Variants in NARS2 observed in about 807,000 individuals in gnomAD.
The protein encoded by NARS2 is asparaginyl-tRNA synthetase 2, mitochondrial, also known as asparaginyl-tRNA synthetase.
NARS2 carries 60 observed loss-of-function variants against 62.9 expected under a neutral mutation model. The observed-to-expected ratio is 0.95, with a 90% CI of 0.77 to 1.18. The LOEUF (loss-of-function observed/expected upper bound fraction) is 1.18. Ranked by LOEUF, NARS2 falls within the 50% of genes most tolerant of loss-of-function variation. NARS2 has a pLI of 0.00. For missense variants in NARS2, 619 were observed against 576.4 expected (o/e 1.07, Z -0.76); for synonymous variants, 196 against 200.0 (o/e 0.98, Z 0.17).
chr11:78,471,264 T>A (rs1398147918), intron 9 of NARS2, among the ~76,000 whole-genome samples: 1 of 152,156 alleles, frequency 6.6e-6, no homozygotes, highest in Non-Finnish European at 1.5e-5. Context: ...TGTAAGTAAA[T>A]AGTAAATCTT....
intron 5 of NARS2, among the ~76,000 whole-genome samples, chr11:78,558,009 C>CT (rs1383906753): frequency 2.6e-5 from 4 of 151,456 alleles, no homozygotes; most frequent in Non-Finnish European, 5.9e-5. Flanking sequence ...TAAATTATAC[C>CT]TTTTTTTCCC....
intron 5 of NARS2, among the ~76,000 whole-genome samples, chr11:78,550,579 T>C (rs1037621736): frequency 6.6e-6 from 1 of 152,150 alleles, no homozygotes; most frequent in Non-Finnish European, 1.5e-5. Context: ...TTTACACCCA[T>C]TAGTATGATT....
intron 6 of NARS2, among the ~76,000 whole-genome samples, chr11:78,520,037 CTAATATTTTTAAAAT>C (rs2135408189): frequency 6.6e-6 from 1 of 151,896 alleles, no homozygotes; most frequent in South Asian, 2.1e-4. Context: ...ATAAAAACAG[CTAATATTTTTAAAAT>C]ATTTTAAATA....
Position 78,533,378 on chromosome 11 carries a change from TAA to T in NARS2, c.595-4444_595-4443del, listed in dbSNP as rs200097004. ...TGATTTTTTCACTTTTCTCTGAGAT[TAA>T]AAAGTCTTGCTTGTCTTATTCACTA... On this transcript the variant is annotated intron_variant, in intron 5 of 13. Transcript: ENST00000281038. 8.5e-3 allele frequency: 1,290 copies of T among 152,338 alleles called. 11 individuals carry two copies. Among genetic ancestry groups the T allele is most frequent in the African/African-American group, 0.03 (1,244 of 41,566 alleles). 9.4% of individuals were successfully genotyped at this position (152,338 alleles called of 1,614,324 possible). A position where few individuals can be genotyped will look rare whatever the true frequency, so the allele number is the denominator to read the frequency against.
chr11:78,509,538 TA>T (rs750079638), intron 6 of NARS2, among the ~76,000 whole-genome samples: 2 of 151,318 alleles, frequency 1.3e-5, no homozygotes, highest in South Asian at 2.1e-4. Context: ...TAATACACTT[TA>T]AAAAAAAACC....
At chr11:78,557,116 G>C (rs1856381960) in intron 5 of NARS2, among the ~76,000 whole-genome samples, 1 of 152,178 alleles carries the variant, frequency 6.6e-6, no homozygotes. Context: ...TGAGGGAAAG[G>C]AAGAGTAAAA....
intron 5 of NARS2, chr11:78,546,377 C>A (rs1298343925): frequency 6.6e-6 from 1 of 152,240 alleles, no homozygotes; most frequent in Non-Finnish European, 1.5e-5. Flanking sequence ...CTACTGATTA[C>A]ACAGAACCAG....
intron 7 of NARS2, among the ~76,000 whole-genome samples, chr11:78,484,229 A>G (rs949999213): frequency 3.3e-5 from 5 of 152,194 alleles, no homozygotes; most frequent in Non-Finnish European, 5.9e-5. Context: ...CACCTTATAT[A>G]AAAACTAACT....
chr11:78,552,150 TC>T (rs1371340530), intron 5 of NARS2, among the ~76,000 whole-genome samples: 1 of 152,024 alleles, frequency 6.6e-6, no homozygotes, highest in African/African-American at 2.4e-5. Context: ...CCTCCCATCC[TC>T]CCCCCTCAGG....
At chr11:78,489,477 C>CAA (rs1859724982) in intron 7 of NARS2, among the ~76,000 whole-genome samples, 1 of 152,176 alleles carries the variant, frequency 6.6e-6, no homozygotes, top group Admixed American at 6.5e-5. Flanking sequence ...GTAAAACTTC[C>CAA]ATACATTGCT....
At chr11:78,573,681 A>G (rs1223457027) in intron 1 of NARS2, among the ~76,000 whole-genome samples, 2 of 152,248 alleles carry the variant, frequency 1.3e-5, no homozygotes, top group African/African-American at 2.4e-5. Context: ...TTTGTAGACT[A>G]TGAGCCACTG....
Position 78,568,661 on chromosome 11 carries a change from T to C in NARS2, c.343A>G (p.Ile115Val), listed in dbSNP as rs760247327. 29 of 1,612,956 alleles carry C rather than the reference T, an allele frequency of 1.8e-5. No individual in the cohort carries two copies. The highest frequency in any genetic ancestry group is 3.3e-4 in the Middle Eastern group (2 of 6,076). ...GCATCACAATTTCCAATAACTTTAA[T>C]TTTTTCTGCCTTCAGTTCCACATTT... ...RQNVELKAEK[I>V]KVIGNCDAKD... The change falls in exon 3 of 14, where the codon ATT (isoleucine) becomes GTT (valine). Residue 115 changes from isoleucine (I) to valine (V), a missense_variant. By Grantham distance (29) the Ile-to-Val change is conservative. Transcript: ENST00000281038.
At chr11:78,565,555 A>T (rs1257623853) in intron 4 of NARS2, among the ~76,000 whole-genome samples, 1 of 152,182 alleles carries the variant, frequency 6.6e-6, no homozygotes, top group African/African-American at 2.4e-5. Context: ...CACAACTCAG[A>T]GTCTGGAGAG....
chr11:78,487,011 G>A (rs551112994), intron 7 of NARS2, among the ~76,000 whole-genome samples: 1 of 152,238 alleles, frequency 6.6e-6, no homozygotes, highest in South Asian at 2.1e-4. Context: ...GAAAGAATTA[G>A]TAAGTTTGAA....
At position 78,489,186 on chromosome 11, in the gene NARS2, C is replaced by T. The variant is rs1859709735; in HGVS notation, c.822+3877G>A. On this transcript the variant is annotated intron_variant, in intron 7 of 13. Coordinates refer to ENST00000281038, the MANE Select transcript of NARS2 (RefSeq NM_024678.6). ...ACTTATTAGGAGAACACAGAAACCA[C>T]ACATCCAACAAGGAACTAGTAGCTA... Among the ~76,000 whole-genome samples, 5 of 152,144 alleles carry T rather than the reference C, an allele frequency of 3.3e-5. No individual in the cohort carries two copies. In the South Asian group the frequency reaches 1.0e-3, roughly 32 times the overall value.
intron 5 of NARS2, among the ~76,000 whole-genome samples, chr11:78,545,153 G>A (rs1855811942): frequency 1.3e-5 from 2 of 151,814 alleles, no homozygotes; most frequent in Admixed American, 1.3e-4. Context: ...ATATTAAGTT[G>A]GAAGCACTAT....
chr11:78,559,495 T>C (rs1856483523), intron 5 of NARS2, 44 bp downstream of exon 5: 2 of 1,237,502 alleles, frequency 1.6e-6, no homozygotes, highest in Non-Finnish European at 2.4e-6. Flanking sequence ...AAATGAAAAA[T>C]ATTAAACAGC....
chr11:78,481,462 A>C (rs571378298), intron 7 of NARS2, among the ~76,000 whole-genome samples: 40 of 152,310 alleles, frequency 2.6e-4, no homozygotes, highest in Non-Finnish European at 1.5e-5. Context: ...ATTAGATGAT[A>C]TGCCTGCACT....
At chr11:78,471,850 C>T (rs982884745) in intron 9 of NARS2, among the ~76,000 whole-genome samples, 1 of 152,082 alleles carries the variant, frequency 6.6e-6, no homozygotes, top group African/African-American at 2.4e-5. Flanking sequence ...CACGTCCCTA[C>T]AAAGGACATG....
Sources: gnomAD v4.1 joint callset for allele counts (sites outside exome capture counted in the v4.1 genomes callset) on GRCh38, gnomAD v4.1.1 for gene constraint, MANE v1.5 for transcripts, NCBI Gene and HGNC (gene_info 2026-07-23, HGNC 2026-07-21) for gene names.